BABAM1: variants seen among roughly 807,000 people sequenced by gnomAD.
The protein encoded by BABAM1 is BRISC and BRCA1-A complex member 1.
Under a neutral mutation model 34.4 loss-of-function variants are expected in BABAM1, and 14 were observed. The ratio of observed to expected loss-of-function variants is 0.41; its 90% CI spans 0.27 to 0.64. The LOEUF (loss-of-function observed/expected upper bound fraction) is 0.64. BABAM1 is among the 30% of genes least tolerant of loss of function. BABAM1 has a pLI of 0.34. For synonymous variants in BABAM1, 169 were observed against 165.8 expected, an observed-to-expected ratio of 1.02 and a Z score of -0.15; for missense variants, 393 against 434.0, an observed-to-expected ratio of 0.91 and a Z score of 0.84.
chr19:17,279,025 A>C lies in BABAM1; in HGVS notation c.967A>C (p.Ile323Leu). 1.2e-6 allele frequency: 2 copies of C among 1,611,928 alleles called. No homozygotes were observed. Among genetic ancestry groups the C allele is most frequent in the Non-Finnish European group, 1.7e-6 (2 of 1,179,186 alleles). ...YSLLEEEDEA[I>L]EVEATV Reference sequence around the variant, plus strand: ...CCTGCTGGAGGAGGAGGATGAAGCCATTGAGGTTGAGGCCACTGTCTGAAC... The same window carrying C: ...CCTGCTGGAGGAGGAGGATGAAGCCCTTGAGGTTGAGGCCACTGTCTGAAC... The change falls in exon 9 of 9, where the codon ATT (isoleucine) becomes CTT (leucine). Residue 323 changes from isoleucine to leucine, a missense_variant. Physicochemically the swap from Ile to Leu is conservative, Grantham distance 5. Coordinates refer to ENST00000598188, the MANE Select transcript of BABAM1 (RefSeq NM_014173.4).
chr19:17,267,521 G>A lies in BABAM1; in HGVS notation c.-20G>A, dbSNP rs1288283888. On this transcript the variant is annotated 5_prime_UTR_variant, in exon 1 of 9. Coordinates refer to ENST00000598188, the MANE Select transcript of BABAM1 (RefSeq NM_014173.4). ...TAGAAGGAGGTTCAGGCTACGGTGA[G>A]CCGAAGGTGGGTGGTGAAAGCGTGT... The A allele has an allele frequency of 1.3e-5, 2 of 152,214 alleles. No homozygotes were observed. Among genetic ancestry groups the A allele is most frequent in the African/African-American group, 4.8e-5 (2 of 41,454 alleles). The allele number at this position is 152,214 out of a possible 1,614,324, so 9.4% of individuals were successfully genotyped here.
intron 1 of BABAM1, among the ~76,000 whole-genome samples, chr19:17,268,116 T>C (rs879532557): frequency 1.3e-5 from 2 of 151,998 alleles, no homozygotes; most frequent in Non-Finnish European, 2.9e-5. Flanking sequence ...CTCTTTTCCT[T>C]GATGACACTG....
At position 17,279,010 on chromosome 19, in the gene BABAM1, G is replaced by T. The variant is rs1012400858; in HGVS notation, c.952G>T (p.Glu318Ter). Residue 318 changes from glutamate to a stop codon, truncating the protein, a stop_gained, in exon 9 of 9, where the codon GAG becomes TAG. Transcript: ENST00000598188. LOFTEE classifies it high-confidence loss of function. ...QSHASYSLLE[E>*]EDEAIEVEAT... ...CCATGCTTCCTACAGCCTGCTGGAG[G>T]AGGAGGATGAAGCCATTGAGGTTGA... 6.2e-7 allele frequency: 1 copy of T among 1,612,432 alleles called. No homozygotes were observed. The highest frequency in any genetic ancestry group is 1.3e-5 in the African/African-American group (1 of 74,942).
chr19:17,273,782 G>C (rs1014193246), intron 3 of BABAM1, 122 bp from the exon 4 acceptor site: 1 of 1,297,388 alleles, frequency 7.7e-7, no homozygotes, highest in Non-Finnish European at 1.0e-6. Flanking sequence ...CCAGGCTGGT[G>C]TTGAACTCCT....
intron 1 of BABAM1, among the ~76,000 whole-genome samples, chr19:17,267,931 A>G (rs935603960): frequency 6.6e-6 from 1 of 152,122 alleles, no homozygotes; most frequent in East Asian, 1.9e-4. Context: ...ATCTGGCTTA[A>G]GGAAGAAAAG....
intron 3 of BABAM1, among the ~76,000 whole-genome samples, chr19:17,273,147 CT>C (rs1198898652): frequency 2.6e-5 from 4 of 152,224 alleles, no homozygotes; most frequent in Non-Finnish European, 5.9e-5. Context: ...TGCTCAAGGG[CT>C]CAGAGTAATG....
At chr19:17,278,587 G>A (rs1288022227) in intron 8 of BABAM1, among the ~76,000 whole-genome samples, 1 of 151,722 alleles carries the variant, frequency 6.6e-6, no homozygotes, top group East Asian at 1.9e-4. Flanking sequence ...GGGATTACAG[G>A]CGTGAGCCAC....
In BABAM1 at chr19:17,269,015, C is replaced by T. The variant is rs1261908729; in HGVS notation, c.209C>T (p.Pro70Leu). Residue 70 changes from proline (P) to leucine (L), a missense_variant, in exon 2 of 9, where the codon CCT becomes CTT. Coordinates refer to ENST00000598188, the MANE Select transcript of BABAM1 (RefSeq NM_014173.4). ...DGSLNTSGAG[P>L]KSWQVPPPAP... ...AGCCTCAACACTTCAGGAGCCGGCC[C>T]TAAGTCCTGGCAGGTGCCCCCGCCA... 6.3e-7 allele frequency: 1 copy of T among 1,592,898 alleles called. No individual in the cohort carries two copies. The highest frequency in any genetic ancestry group is 1.3e-5 in the African/African-American group (1 of 74,558).
intron 1 of BABAM1, among the ~76,000 whole-genome samples, 184 bp downstream of exon 1, chr19:17,267,711 G>C (rs530837770): frequency 1.3e-5 from 2 of 152,234 alleles, no homozygotes; most frequent in African/African-American, 4.8e-5. Flanking sequence ...ACTGCAAGGC[G>C]CTCAAAGACC....
intron 8 of BABAM1, among the ~76,000 whole-genome samples, chr19:17,278,546 T>G (rs991367976): frequency 4.6e-5 from 7 of 152,070 alleles, no homozygotes; most frequent in African/African-American, 7.2e-5. Context: ...CCTGACCTTG[T>G]GATCTGCCCG....
chr19:17,272,588 G>A (rs2073854651), intron 3 of BABAM1, among the ~76,000 whole-genome samples: 1 of 151,648 alleles, frequency 6.6e-6, no homozygotes, highest in African/African-American at 2.4e-5. Context: ...TGTATTTTTA[G>A]TAGAGATGGG....
intron 3 of BABAM1, among the ~76,000 whole-genome samples, chr19:17,273,650 G>T (rs903295462): frequency 7.0e-6 from 1 of 142,382 alleles, no homozygotes; most frequent in Non-Finnish European, 1.5e-5. Flanking sequence ...TGCAACCTCC[G>T]CCTTCTGGGT....
Position 17,278,987 on chromosome 19 carries a change from A to G in BABAM1, c.929A>G (p.His310Arg), listed in dbSNP as rs1177592814. Residue 310 changes from histidine (H) to arginine (R), a missense_variant, in exon 9 of 9, where the codon CAT (histidine) becomes CGT (arginine). Transcript: ENST00000598188. ...AHPLQRPCQS[H>R]ASYSLLEEED... Reference sequence around the variant, plus strand: ...CCCCTGCAGCGGCCTTGCCAGAGCCATGCTTCCTACAGCCTGCTGGAGGAG... The same window carrying G: ...CCCCTGCAGCGGCCTTGCCAGAGCCGTGCTTCCTACAGCCTGCTGGAGGAG... The G allele has an allele frequency of 1.2e-6, 2 of 1,612,652 alleles. No homozygotes were observed. The highest frequency in any genetic ancestry group is 8.5e-7 in the Non-Finnish European group (1 of 1,179,538).
chr19:17,272,820 C>A (rs530517041), intron 3 of BABAM1, among the ~76,000 whole-genome samples: 31 of 152,202 alleles, frequency 2.0e-4, no homozygotes, highest in Middle Eastern at 3.4e-3. Context: ...AGTTCGAGAC[C>A]AGCCTGGCCG....
At chr19:17,269,984 G>T (rs774425009) in intron 2 of BABAM1, among the ~76,000 whole-genome samples, 1 of 150,190 alleles carries the variant, frequency 6.7e-6, no homozygotes, top group Non-Finnish European at 1.5e-5. Flanking sequence ...GGAGTGCAGT[G>T]CAGTGGCGCT....
rs1242026217 is a variant in BABAM1, at chr19:17,268,954, G to A, written c.148G>A (p.Glu50Lys). 5 of 1,573,192 alleles carry A rather than the reference G, an allele frequency of 3.2e-6. No individual in the cohort carries two copies. Among genetic ancestry groups the A allele is most frequent in the Middle Eastern group, 2.1e-4 (1 of 4,864 alleles). The change falls in exon 2 of 9, where the codon GAG (glutamate) becomes AAG (lysine). Residue 50 changes from glutamate to lysine, a missense_variant. Glu to Lys is a moderately conservative substitution (Grantham distance 56). Transcript: ENST00000598188. Reference sequence around the variant, plus strand: ...ACAGGCCAGCGTGGGCAGCCGCAGCGAGGGTGAGGGTGAGGCCGCCAGTGC... The same window carrying A: ...ACAGGCCAGCGTGGGCAGCCGCAGCAAGGGTGAGGGTGAGGCCGCCAGTGC... ...GAQASVGSRS[E>K]GEGEAASADD... is the part of the protein sequence containing the mutation.
At position 17,268,839 on chromosome 19, in the gene BABAM1, AGAG is replaced by A. The variant is rs748337921; in HGVS notation, c.45_47del (p.Glu18del). 6 of 1,610,368 alleles carry A rather than the reference AGAG, an allele frequency of 3.7e-6. No individual in the cohort carries two copies. Among genetic ancestry groups the A allele is most frequent in the Admixed American group, 1.7e-5 (1 of 59,716 alleles). ...TGGCAGAGCCCAGCAGCCCCACTGA[AGAG>A]GAGGAGGAGGAAGAGGAGCACTCGG... On this transcript the variant is annotated inframe_deletion, in exon 2 of 9. Coordinates refer to ENST00000598188, the MANE Select transcript of BABAM1 (RefSeq NM_014173.4).
rs374414531 is a variant in BABAM1 at position 17,273,888 on chromosome 19, C to G, written c.345-16C>G. On this transcript the variant is annotated splice_polypyrimidine_tract_variant and intron_variant, in intron 3 of 8. Transcript: ENST00000598188. ...CTGAGGGAACCTTAATTCCCCTGTA[C>G]TCTCTGCCTCCCCAGCTCCAAAACC... The G allele has an allele frequency of 1.3e-6, 2 of 1,592,780 alleles. No homozygotes were observed. The highest frequency in any genetic ancestry group is 1.7e-6 in the Non-Finnish European group (2 of 1,169,900).
In BABAM1 at chr19:17,274,204, A is replaced by G. The variant is rs1318599077; in HGVS notation, c.544+19A>G. The G allele has an allele frequency of 1.9e-6, 3 of 1,610,498 alleles. No homozygotes were observed. In the East Asian group the frequency reaches 6.7e-5, roughly 36 times the overall value. ...ACCTTCAGTATCCTTCCTGGCAGAG[A>G]TGTCCCCATGAAGGGGGCTGTCTCC... On this transcript the variant is annotated intron_variant, in intron 5 of 8. Coordinates refer to ENST00000598188, the MANE Select transcript of BABAM1 (RefSeq NM_014173.4).
Sources: allele counts gnomAD v4.1 joint callset (sites outside exome capture counted in the v4.1 genomes callset), GRCh38; gene constraint gnomAD v4.1.1; transcripts MANE v1.5; gene names NCBI Gene and HGNC (gene_info 2026-07-23, HGNC 2026-07-21).